RABGAP1L: variants seen among roughly 807,000 people sequenced by gnomAD.
The protein encoded by RABGAP1L is RAB GTPase activating protein 1 like, also known as rab GTPase-activating protein 1-like.
A neutral mutation model predicts 137.7 loss-of-function variants in RABGAP1L; 63 were observed. The observed-to-expected ratio is 0.46, with a 90% CI of 0.37 to 0.56. RABGAP1L has a LOEUF of 0.56. RABGAP1L is among the 20% of genes least tolerant of loss of function. RABGAP1L has a pLI of 0.00. For missense variants in RABGAP1L, 1,095 were observed against 1,244.0 expected (o/e 0.88, Z 1.80); for synonymous variants, 431 against 433.7 (o/e 0.99, Z 0.08).
intron 10 of RABGAP1L, among the ~76,000 whole-genome samples, chr1:174,294,366 A>T (rs2148729111): frequency 6.6e-6 from 1 of 152,268 alleles, no homozygotes; most frequent in South Asian, 2.1e-4. Flanking sequence ...AAAGAAGGGG[A>T]TTTCAGTCAG....
intron 13 of RABGAP1L, among the ~76,000 whole-genome samples, chr1:174,433,632 G>T (rs1247365059): frequency 6.6e-6 from 1 of 152,132 alleles, no homozygotes; most frequent in African/African-American, 2.4e-5. Context: ...TGTGTCTTGA[G>T]TACAAACACT....
At chr1:174,378,933 A>C (rs904759459) in intron 12 of RABGAP1L, among the ~76,000 whole-genome samples, 2 of 128,592 alleles carry the variant, frequency 1.6e-5, no homozygotes, top group African/African-American at 6.6e-5. Flanking sequence ...TAACGTTTAA[A>C]TCTTTAATCC....
chr1:174,470,895 A>T (rs1299511983), intron 13 of RABGAP1L, among the ~76,000 whole-genome samples: 3 of 152,220 alleles, frequency 2.0e-5, no homozygotes, highest in African/African-American at 7.2e-5. Context: ...CAAATTAACT[A>T]GCCTCAGAAG....
rs1163719976 is a variant in RABGAP1L, at chr1:174,984,057, CAAAA to C, written c.2805+1170_2805+1173del. 1.1e-3 allele frequency among the ~76,000 whole-genome samples: 123 copies of C among 115,036 alleles called. 1 individual carries two copies. The highest frequency in any genetic ancestry group is 2.2e-3 in the Admixed American group (24 of 10,700). The allele number at this position is 115,036 out of a possible 152,430, so 75.5% of individuals were successfully genotyped here. A position where few individuals can be genotyped will look rare whatever the true frequency, so the allele number is the denominator to read the frequency against. On this transcript the variant is annotated intron_variant, in intron 24 of 25. Transcript: ENST00000681986. Reference sequence around the variant, plus strand: ...TGAATTTTTTTTGTATTTCTTCTAACAAAAAAAAAAAAAAAAAAAAAGGGATACA... The same window carrying C: ...TGAATTTTTTTTGTATTTCTTCTAACAAAAAAAAAAAAAAAAAGGGATACA...
intron 18 of RABGAP1L, among the ~76,000 whole-genome samples, chr1:174,774,254 T>C (rs1330801928): frequency 6.6e-6 from 1 of 152,200 alleles, no homozygotes; most frequent in East Asian, 1.9e-4. Flanking sequence ...TAAATGAATT[T>C]AGAATAAAGT....
At chr1:174,607,856 G>A (rs1192664275) in intron 13 of RABGAP1L, among the ~76,000 whole-genome samples, 1 of 152,152 alleles carries the variant, frequency 6.6e-6, no homozygotes, top group African/African-American at 2.4e-5. Context: ...AGCTTCTTTG[G>A]TTATTCTTTC....
chr1:174,958,566 A>G (rs959791358), intron 20 of RABGAP1L, among the ~76,000 whole-genome samples: 13 of 152,324 alleles, frequency 8.5e-5, no homozygotes, highest in African/African-American at 3.1e-4. Flanking sequence ...TATTAATTAA[A>G]TCACCCACAT....
At position 174,770,568 on chromosome 1, in the gene RABGAP1L, C is replaced by T. The variant is rs570758256; in HGVS notation, c.2211+18214C>T. Among the ~76,000 whole-genome samples the T allele has an allele frequency of 5.9e-5, 9 of 152,282 alleles. No individual in the cohort carries two copies. In the South Asian group the frequency reaches 1.0e-3, roughly 18 times the overall value. On this transcript the variant is annotated intron_variant, in intron 18 of 25. Coordinates refer to ENST00000681986, the MANE Select transcript of RABGAP1L (RefSeq NM_001366446.1). ...GTGATTAAATTGAACTTAATGTACC[C>T]TAAGAAATACAAGCTCCCTTGACAG... is the stretch of plus-strand genomic sequence containing the variant.
intron 13 of RABGAP1L, among the ~76,000 whole-genome samples, chr1:174,588,815 G>A (rs1572417501): frequency 6.6e-6 from 1 of 152,028 alleles, no homozygotes; most frequent in East Asian, 1.9e-4. Context: ...ACTCCATTGT[G>A]TACATGTACC....
chr1:174,457,220 G>A (rs1438752709), intron 13 of RABGAP1L, among the ~76,000 whole-genome samples: 1 of 152,172 alleles, frequency 6.6e-6, no homozygotes, highest in Non-Finnish European at 1.5e-5. Flanking sequence ...GGATATTTGA[G>A]AAGTTTTTGA....
At chr1:174,250,760 T>A in intron 6 of RABGAP1L, 128 bp downstream of exon 6, 1 of 793,682 alleles carries the variant, frequency 1.3e-6, no homozygotes, top group Non-Finnish European at 1.9e-6. Context: ...GCTGGTGAAT[T>A]AATATTTTTT....
At chr1:174,164,120 A>G (rs1010787807) in intron 1 of RABGAP1L, among the ~76,000 whole-genome samples, 2 of 138,818 alleles carry the variant, frequency 1.4e-5, no homozygotes, top group Admixed American at 7.4e-5. Flanking sequence ...CCCCCAACCC[A>G]TTGCTAAGTG....
intron 7 of RABGAP1L, among the ~76,000 whole-genome samples, chr1:174,266,434 C>A (rs1324001116): frequency 1.3e-5 from 2 of 152,126 alleles, no homozygotes; most frequent in African/African-American, 4.8e-5. Flanking sequence ...GGCTAGAGTT[C>A]TTTAGAACCT....
intron 10 of RABGAP1L, among the ~76,000 whole-genome samples, chr1:174,289,404 ATTAG>A (rs1676371239): frequency 6.6e-6 from 1 of 152,072 alleles, no homozygotes; most frequent in South Asian, 2.1e-4. Flanking sequence ...TGTTTTTCTG[ATTAG>A]TTGTCTGTGT....
intron 8 of RABGAP1L, among the ~76,000 whole-genome samples, chr1:174,274,883 A>G (rs1674849546): frequency 6.6e-6 from 1 of 152,172 alleles, no homozygotes; most frequent in Admixed American, 6.6e-5. Flanking sequence ...TGAAAAAAGA[A>G]AAGTTTTTCT....
intron 13 of RABGAP1L, among the ~76,000 whole-genome samples, chr1:174,506,234 TTAATGA>T (rs377134361): frequency 2.6e-5 from 4 of 152,342 alleles, no homozygotes; most frequent in African/African-American, 7.2e-5. Flanking sequence ...GTAATTATAC[TTAATGA>T]TAATATATTG....
chr1:174,232,082 G>C (rs947239066), intron 4 of RABGAP1L, among the ~76,000 whole-genome samples: 1 of 147,966 alleles, frequency 6.8e-6, no homozygotes, highest in East Asian at 1.9e-4. Flanking sequence ...AAGTAATAGT[G>C]GTTGAAAGAA....
chr1:174,988,879 AT>A (rs1671833810), intron 25 of RABGAP1L, 41 bp downstream of exon 25: 2 of 1,499,478 alleles, frequency 1.3e-6, no homozygotes, highest in Non-Finnish European at 1.8e-6. Flanking sequence ...AGAATAAACA[AT>A]TAATGGTCCA....
In RABGAP1L at chr1:174,752,409, G is replaced by A. The variant is rs1229660173; in HGVS notation, c.2211+55G>A. The A allele has an allele frequency of 1.3e-5, 17 of 1,281,272 alleles. No homozygotes were observed. The South Asian group carries it at 2.3e-4, about 17-fold the overall frequency. The allele number at this position is 1,281,272 out of a possible 1,614,324, so 79.4% of individuals were successfully genotyped here. On this transcript the variant is annotated intron_variant, in intron 18 of 25. Coordinates refer to ENST00000681986, the MANE Select transcript of RABGAP1L (RefSeq NM_001366446.1). ...ACATTCTCTTACCTCTTTGCCCTTGGAACTGGAATAATTCAATTTACAGTC... is the reference window on the plus strand; with the variant it reads ...ACATTCTCTTACCTCTTTGCCCTTGAAACTGGAATAATTCAATTTACAGTC...
Sources: allele counts gnomAD v4.1 joint callset (sites outside exome capture counted in the v4.1 genomes callset), GRCh38; gene constraint gnomAD v4.1.1; transcripts MANE v1.5; gene names NCBI Gene and HGNC (gene_info 2026-07-23, HGNC 2026-07-21).